PM20D2: variants seen among roughly 807,000 people sequenced by gnomAD.
PM20D2 encodes peptidase M20 domain containing 2.
A neutral mutation model predicts 42.9 loss-of-function variants in PM20D2; 33 were observed. The ratio of observed to expected loss-of-function variants is 0.77; its 90% CI spans 0.58 to 1.03. PM20D2 has a LOEUF of 1.03. Ranked by LOEUF, PM20D2 falls within the 50% of genes least tolerant of loss-of-function variation. PM20D2 has a pLI of 0.00. For missense variants in PM20D2, 548 were observed against 557.0 expected, an observed-to-expected ratio of 0.98 and a Z score of 0.16; for synonymous variants, 250 against 228.2, an observed-to-expected ratio of 1.10 and a Z score of -0.86.
At chr6:89,106,184 G>A in the PM20D2 span, among the ~76,000 whole-genome samples, 7 of 152,056 alleles carry the variant, frequency 4.6e-5, no homozygotes, top group Admixed American at 1.3e-4. Context: ...GCAATGGCGC[G>A]ATCTCAGCTC....
Position 89,164,531 on chromosome 6 carries a change from C to T in PM20D2, c.*2268C>T, listed in dbSNP as rs1045984. Reference sequence around the variant, plus strand: ...TTAAATCAAATTTTGTAAACAGTGGCAGGAGCGTGGACTTAAAACAAGGCT... The same window carrying T: ...TTAAATCAAATTTTGTAAACAGTGGTAGGAGCGTGGACTTAAAACAAGGCT... On this transcript the variant is annotated 3_prime_UTR_variant, in exon 7 of 7. Transcript: ENST00000275072. The T allele has an allele frequency of 2.0e-5, 3 of 152,492 alleles. No individual in the cohort carries two copies. The highest frequency in any genetic ancestry group is 7.2e-5 in the African/African-American group (3 of 41,404). The allele number at this position is 152,492 out of a possible 1,614,324, so 9.4% of individuals were successfully genotyped here.
the PM20D2 span, among the ~76,000 whole-genome samples, chr6:89,110,413 T>A: frequency 4.6e-5 from 7 of 152,166 alleles, no homozygotes; most frequent in Non-Finnish European, 8.8e-5. Flanking sequence ...TTACACCCTA[T>A]GTAAATGAAG....
chr6:89,127,235 C>T, the PM20D2 span, among the ~76,000 whole-genome samples: 1 of 152,032 alleles, frequency 6.6e-6, no homozygotes, highest in Non-Finnish European at 1.5e-5. Context: ...AGTAGTGGGT[C>T]CAGGCAATGG....
the PM20D2 span, among the ~76,000 whole-genome samples, chr6:89,120,510 A>C: frequency 6.6e-6 from 1 of 152,208 alleles, no homozygotes; most frequent in East Asian, 1.9e-4. Context: ...CTCATCCCTG[A>C]CATACTGTTA....
the PM20D2 span, among the ~76,000 whole-genome samples, chr6:89,136,800 A>G: frequency 0.25 from 37,223 of 151,062 alleles, 5,374 homozygotes; most frequent in Non-Finnish European, 0.3. Flanking sequence ...GATGAACTCT[A>G]TACTTCATTG....
At chr6:89,154,318 C>A (rs1187695151) in intron 3 of PM20D2, among the ~76,000 whole-genome samples, 2 of 151,964 alleles carry the variant, frequency 1.3e-5, no homozygotes, top group African/African-American at 4.8e-5. Context: ...ATTATTTTTC[C>A]TATAGCTAAA....
the PM20D2 span, chr6:89,107,213 T>A: frequency 6.2e-7 from 1 of 1,614,028 alleles, no homozygotes; most frequent in Non-Finnish European, 8.5e-7. Flanking sequence ...TGTAAACGTC[T>A]ACTATAGGGC....
At chr6:89,121,543 A>G in the PM20D2 span, among the ~76,000 whole-genome samples, 1 of 152,234 alleles carries the variant, frequency 6.6e-6, no homozygotes, top group Non-Finnish European at 1.5e-5. Context: ...CCCTGGACTC[A>G]TAAACATATT....
chr6:89,143,000 C>A (rs1770389683), upstream of PM20D2, among the ~76,000 whole-genome samples: 1 of 152,174 alleles, frequency 6.6e-6, no homozygotes. Context: ...TTCCTGAAAT[C>A]CTGCACTGAA....
In PM20D2 at chr6:89,165,414, T is replaced by G. The variant is rs1057146395; in HGVS notation, c.*3151T>G. 6.6e-6 allele frequency: 1 copy of G among 152,200 alleles called. No homozygotes were observed. The highest frequency in any genetic ancestry group is 1.5e-5 in the Non-Finnish European group (1 of 68,028). 9.4% of individuals were successfully genotyped at this position (152,200 alleles called of 1,614,324 possible). On this transcript the variant is annotated 3_prime_UTR_variant, in exon 7 of 7. Coordinates refer to ENST00000275072, the MANE Select transcript of PM20D2 (RefSeq NM_001010853.3). ...TCATATCAAGCATTTTGCAGTCCAA[T>G]TATATAGTTGAGGATGGTGTATTTT...
At chr6:89,135,997 G>A in the PM20D2 span, among the ~76,000 whole-genome samples, 28 of 151,240 alleles carry the variant, frequency 1.9e-4, no homozygotes, top group Admixed American at 3.3e-4. Context: ...TTACCTGTGC[G>A]GATGCCAGGT....
the PM20D2 span, among the ~76,000 whole-genome samples, chr6:89,121,324 G>T: frequency 6.6e-6 from 1 of 152,126 alleles, no homozygotes; most frequent in South Asian, 2.1e-4. Flanking sequence ...TAAGAAAGCT[G>T]TTTTCTGGTT....
chr6:89,107,038 G>A, the PM20D2 span: 76 of 1,089,976 alleles, frequency 7.0e-5, no homozygotes, highest in African/African-American at 9.2e-4. Context: ...CTGAGATAAA[G>A]AAATAAACAC....
chr6:89,098,485 G>T, the PM20D2 span: 11 of 1,424,180 alleles, frequency 7.7e-6, no homozygotes, highest in African/African-American at 1.4e-5. Context: ...ATATCAACTC[G>T]CATTTTCTGT....
chr6:89,161,445 C>T (rs995347561), intron 5 of PM20D2, among the ~76,000 whole-genome samples: 12 of 152,070 alleles, frequency 7.9e-5, no homozygotes, highest in Non-Finnish European at 1.5e-4. Context: ...GAAGAAGGGG[C>T]CATCAGAGAG....
chr6:89,115,623 T>TTTTC, the PM20D2 span, among the ~76,000 whole-genome samples: 215 of 147,570 alleles, frequency 1.5e-3, no homozygotes, highest in Middle Eastern at 0.011. Context: ...GGGTTTTCTT[T>TTTTC]TTTCTTTCTT....
At chr6:89,098,355 T>C in the PM20D2 span, 1 of 418,564 alleles carries the variant, frequency 2.4e-6, no homozygotes, top group Non-Finnish European at 4.1e-6. Context: ...TAAAAAATGG[T>C]CCATAAAATG....
the PM20D2 span, among the ~76,000 whole-genome samples, chr6:89,117,656 C>A: frequency 6.6e-6 from 1 of 151,994 alleles, no homozygotes. Context: ...CGCCCTGGGC[C>A]GCGGAGTAGT....
At chr6:89,155,003 T>C in intron 4 of PM20D2, 101 bp downstream of exon 4, 1 of 1,064,882 alleles carries the variant, frequency 9.4e-7, no homozygotes, top group Non-Finnish European at 1.3e-6. Context: ...TTTGGTGACA[T>C]GTTGAATATG....
Sources: gnomAD v4.1 joint callset for allele counts (sites outside exome capture counted in the v4.1 genomes callset) on GRCh38, gnomAD v4.1.1 for gene constraint, MANE v1.5 for transcripts, NCBI Gene and HGNC (gene_info 2026-07-23, HGNC 2026-07-21) for gene names.